The following C18orf54 variants were observed in gnomAD, a reference collection of about 807,000 sequenced individuals.
C18orf54 encodes the protein chromosome 18 open reading frame 54.
In C18orf54, 49 loss-of-function variants were observed where a neutral mutation model predicts 49.3. The ratio of observed to expected loss-of-function variants is 0.99; its 90% confidence interval spans 0.79 to 1.26. C18orf54 has a LOEUF of 1.26. Ranked by LOEUF, C18orf54 falls within the 50% of genes most tolerant of loss-of-function variation. The probability of loss-of-function intolerance (pLI) is 0.00; values close to 1 mark genes in which losing one functional copy is unlikely to be tolerated. For synonymous variants in C18orf54, 211 were observed against 216.6 expected (o/e 0.97, Z 0.23); for missense variants, 687 against 620.6 (o/e 1.11, Z -1.14).
intron 8 of C18orf54, among the ~76,000 whole-genome samples, chr18:54,375,495 T>G (rs8088446): frequency 0.19 from 27,409 of 148,146 alleles, 2,725 homozygotes; most frequent in Middle Eastern, 0.26. Flanking sequence ...CTTTAAAATT[T>G]GAGGTGAATG....
chr18:54,362,206 T>A lies in C18orf54; in HGVS notation c.847T>A (p.Phe283Ile). 1 of 1,536,290 alleles carries A rather than the reference T, an allele frequency of 6.5e-7. No homozygotes were observed. Among genetic ancestry groups the A allele is most frequent in the Non-Finnish European group, 8.7e-7 (1 of 1,146,900 alleles). Residue 283 changes from phenylalanine to isoleucine, a missense_variant, in exon 4 of 9, where the codon TTT (phenylalanine) becomes ATT (isoleucine). Coordinates refer to ENST00000620105, the MANE Select transcript of C18orf54 (RefSeq NM_001288980.2). ...AAATAGTCAAAGGGTTTATCAGATATTTAAAGATGATCAGTGTTCCCCTAG... is the reference window on the plus strand; with the variant it reads ...AAATAGTCAAAGGGTTTATCAGATAATTAAAGATGATCAGTGTTCCCCTAG... Reference protein sequence around the residue: ...DANSQRVYQIFKDDQCSPRHS... With the variant: ...DANSQRVYQIIKDDQCSPRHS...
rs768295349 is a variant in C18orf54, at chr18:54,365,833, T to TAA, written c.1326+15_1326+16dup. Reference sequence around the variant, plus strand: ...ATAATGATAATCAGGTGGGTGAAATTAAAAGTTTTAAAACTTATTTAAAGA... The same window carrying TAA: ...ATAATGATAATCAGGTGGGTGAAATTAAAAAAGTTTTAAAACTTATTTAAAGA... On this transcript the variant is annotated intron_variant, in intron 6 of 8. Coordinates refer to ENST00000620105, the MANE Select transcript of C18orf54 (RefSeq NM_001288980.2). 6.9e-7 allele frequency: 1 copy of TAA among 1,457,466 alleles called. No homozygotes were observed. Among genetic ancestry groups the TAA allele is most frequent in the East Asian group, 2.3e-5 (1 of 43,794 alleles). The allele number at this position is 1,457,466 out of a possible 1,614,324, so 90.3% of individuals were successfully genotyped here. A position where few individuals can be genotyped will look rare whatever the true frequency, so the allele number is the denominator to read the frequency against.
intron 8 of C18orf54, 49 bp downstream of exon 8, chr18:54,374,333 T>A (rs1275985002): frequency 6.6e-7 from 1 of 1,506,076 alleles, no homozygotes; most frequent in Admixed American, 2.2e-5. Flanking sequence ...AGCCATTTCT[T>A]TGACATATGT....
chr18:54,377,163 G>A (rs1350703929), intron 8 of C18orf54, among the ~76,000 whole-genome samples: 2 of 152,058 alleles, frequency 1.3e-5, no homozygotes, highest in Non-Finnish European at 1.5e-5. Flanking sequence ...CTCCTGAGTA[G>A]CTGGGATGAC....
chr18:54,361,906 G>C lies in C18orf54; in HGVS notation c.547G>C (p.Val183Leu). 5.0e-6 allele frequency: 8 copies of C among 1,614,130 alleles called. No homozygotes were observed. Among genetic ancestry groups the C allele is most frequent in the Non-Finnish European group, 6.8e-6 (8 of 1,180,000 alleles). The change falls in exon 4 of 9, where the codon GTT (valine) becomes CTT (leucine). Residue 183 changes from valine to leucine, a missense_variant. Physicochemically the swap from Val to Leu is conservative, Grantham distance 32. Coordinates refer to ENST00000620105, the MANE Select transcript of C18orf54 (RefSeq NM_001288980.2). ...CACTTCCATGGGCAAGGATAACTTTGTTACTCCTGTTATACGCTCAAATAT... is the reference window on the plus strand; with the variant it reads ...CACTTCCATGGGCAAGGATAACTTTCTTACTCCTGTTATACGCTCAAATAT... ...PYTSMGKDNF[V>L]TPVIRSNING...
Position 54,368,410 on chromosome 18 carries a change from G to A in C18orf54, c.1326+2589G>A, listed in dbSNP as rs140500302. 4.0e-4 allele frequency among the ~76,000 whole-genome samples: 61 copies of A among 152,132 alleles called. No individual in the cohort carries two copies. The East Asian group carries it at 0.01, about 26-fold the overall frequency. ...TTTAGGATCAGTCACTTATTTTGTA[G>A]AGGTTTTCTGTTTGGATTTGTCTGA... On this transcript the variant is annotated intron_variant, in intron 6 of 8. Coordinates refer to ENST00000620105, the MANE Select transcript of C18orf54 (RefSeq NM_001288980.2).
chr18:54,362,881 C>T lies in C18orf54; in HGVS notation c.1183C>T (p.Leu395Phe). Residue 395 changes from leucine (L) to phenylalanine (F), a missense_variant, in exon 5 of 9, where the codon CTT becomes TTT. Leu to Phe is a conservative substitution (Grantham distance 22). Coordinates refer to ENST00000620105, the MANE Select transcript of C18orf54 (RefSeq NM_001288980.2). ...TGACAGTCCTTGCTCATTAGATAAA[C>T]TTGAAGCAGACAGATCATGGGAAAA... ...KDDSPCSLDKLEADRSWENIP... is the reference protein window; with the variant it reads ...KDDSPCSLDKFEADRSWENIP... The T allele has an allele frequency of 6.2e-7, 1 of 1,611,446 alleles. No homozygotes were observed. The highest frequency in any genetic ancestry group is 8.5e-7 in the Non-Finnish European group (1 of 1,179,508).
intron 6 of C18orf54, among the ~76,000 whole-genome samples, chr18:54,369,215 C>G (rs760204766): frequency 4.6e-5 from 7 of 152,096 alleles, no homozygotes; most frequent in Non-Finnish European, 7.4e-5. Context: ...TATGTGTTTA[C>G]ATATAAATAA....
In C18orf54 at chr18:54,379,615, ACT is replaced by A. The variant is rs2089633366; in HGVS notation, c.*1370_*1371del. 6.6e-6 allele frequency: 1 copy of A among 151,364 alleles called. No individual in the cohort carries two copies. Among genetic ancestry groups the A allele is most frequent in the African/African-American group, 2.4e-5 (1 of 41,180 alleles). The allele number at this position is 151,364 out of a possible 1,614,324, so 9.4% of individuals were successfully genotyped here. ...CTATGGAGATGTTTTTACCACTGAC[ACT>A]GTTTTCTGATTATAGTCTGCTTCAT... On this transcript the variant is annotated 3_prime_UTR_variant, in exon 9 of 9. Coordinates refer to ENST00000620105, the MANE Select transcript of C18orf54 (RefSeq NM_001288980.2).
chr18:54,374,123 T>G, intron 7 of C18orf54, 91 bp from the exon 8 acceptor site: 1 of 1,044,768 alleles, frequency 9.6e-7, no homozygotes, highest in Non-Finnish European at 1.3e-6. Flanking sequence ...TAGAAAATAT[T>G]TTTTAATGTT....
At chr18:54,369,718 C>T (rs954147653) in intron 6 of C18orf54, among the ~76,000 whole-genome samples, 2 of 152,122 alleles carry the variant, frequency 1.3e-5, no homozygotes, top group African/African-American at 4.8e-5. Context: ...ATCCACCCGC[C>T]TCAACCTCCG....
intron 5 of C18orf54, among the ~76,000 whole-genome samples, chr18:54,365,335 T>C (rs974347145): frequency 1.3e-5 from 2 of 152,010 alleles, no homozygotes; most frequent in African/African-American, 4.8e-5. Context: ...GTAAAAACTT[T>C]TAAGAGTTTA....
chr18:54,361,972 A>G lies in C18orf54; in HGVS notation c.613A>G (p.Met205Val). 6.2e-7 allele frequency: 1 copy of G among 1,613,890 alleles called. No homozygotes were observed. Among genetic ancestry groups the G allele is most frequent in the Non-Finnish European group, 8.5e-7 (1 of 1,179,938 alleles). Reference protein sequence around the residue: ...QCGRLKNPKLMNRTNNCISES... With the variant: ...QCGRLKNPKLVNRTNNCISES... ...TGGTAGGCTGAAAAACCCAAAACTT[A>G]TGAATAGGACTAATAATTGCATTTC... Residue 205 changes from methionine to valine, a missense_variant, in exon 4 of 9, where the codon ATG becomes GTG. Coordinates refer to ENST00000620105, the MANE Select transcript of C18orf54 (RefSeq NM_001288980.2).
At chr18:54,368,738 C>T (rs1208710454) in intron 6 of C18orf54, among the ~76,000 whole-genome samples, 1 of 152,042 alleles carries the variant, frequency 6.6e-6, no homozygotes, top group East Asian at 1.9e-4. Context: ...TCTCCTCAAA[C>T]TTTTGTCTAC....
Position 54,378,940 on chromosome 18 carries a change from T to G in C18orf54, c.*694T>G, listed in dbSNP as rs895867720. 2 of 152,108 alleles carry G rather than the reference T, an allele frequency of 1.3e-5. No homozygotes were observed. Among genetic ancestry groups the G allele is most frequent in the South Asian group, 2.1e-4 (1 of 4,836 alleles). 9.4% of individuals were successfully genotyped at this position (152,108 alleles called of 1,614,324 possible). ...GTTTCCAAACCTTTTTTTGGAGAGA[T>G]ATTTAAGAATTTAATATTTTGATAT... On this transcript the variant is annotated 3_prime_UTR_variant, in exon 9 of 9. Transcript: ENST00000620105.
chr18:54,377,025 TAAA>T (rs2089586083), intron 8 of C18orf54, among the ~76,000 whole-genome samples: 26 of 151,410 alleles, frequency 1.7e-4, no homozygotes, highest in South Asian at 1.3e-3. Context: ...GTTTTTTTTT[TAAA>T]TTTAATTTTG....
intron 4 of C18orf54, 79 bp from the exon 5 acceptor site, chr18:54,362,692 C>G: frequency 1.6e-6 from 2 of 1,275,164 alleles, no homozygotes; most frequent in Non-Finnish European, 2.2e-6. Context: ...GATCAGAACT[C>G]TTGTTGACTT....
chr18:54,364,925 C>T (rs1204363709), intron 5 of C18orf54, among the ~76,000 whole-genome samples: 1 of 151,930 alleles, frequency 6.6e-6, no homozygotes, highest in Non-Finnish European at 1.5e-5. Context: ...AAACATACCT[C>T]ATAGTGTTGT....
chr18:54,372,595 CA>C lies in C18orf54; in HGVS notation c.1458del (p.Val487PhefsTer11). On this transcript the variant is annotated frameshift_variant and splice_region_variant, in exon 7 of 9. Transcript: ENST00000620105. LOFTEE classifies it high-confidence loss of function. The part of the protein sequence containing the change: ...KTTDPKEEIK[Q>X]VSEDDFSKLQ... ...CACAGATCCAAAAGAAGAGATTAAA[CA>C]AGTAAGCACAAACATGATTTATGAA... 1 of 1,587,966 alleles carries C rather than the reference CA, an allele frequency of 6.3e-7. No individual in the cohort carries two copies. Among genetic ancestry groups the C allele is most frequent in the Non-Finnish European group, 8.6e-7 (1 of 1,167,350 alleles).
Sources: allele counts gnomAD v4.1 joint callset (sites outside exome capture counted in the v4.1 genomes callset), GRCh38; gene constraint gnomAD v4.1.1; transcripts MANE v1.5; gene names NCBI Gene and HGNC (gene_info 2026-07-23, HGNC 2026-07-21).